SLC13A4: variants seen among roughly 807,000 people sequenced by gnomAD.
The protein encoded by SLC13A4 is Na(+)/sulfate cotransporter SUT-1.
A neutral mutation model predicts 72.7 loss-of-function variants in SLC13A4; 28 were observed. That is an observed-to-expected ratio of 0.39 (90% CI 0.29 to 0.53). The LOEUF is 0.53. Ranked by LOEUF, SLC13A4 falls within the 20% of genes least tolerant of loss-of-function variation. SLC13A4 has a pLI of 0.78. For missense variants in SLC13A4, 653 were observed against 788.0 expected, an observed-to-expected ratio of 0.83 and a Z score of 2.05; for synonymous variants, 312 against 325.5, an observed-to-expected ratio of 0.96 and a Z score of 0.45.
chr7:135,719,669 G>A (rs1796499569), intron 2 of SLC13A4, among the ~76,000 whole-genome samples: 1 of 152,006 alleles, frequency 6.6e-6, no homozygotes, highest in African/African-American at 2.4e-5. Context: ...GCTTTTACAT[G>A]GGTCCCCACG....
chr7:135,691,032 T>C (rs1795772634), intron 13 of SLC13A4, among the ~76,000 whole-genome samples, 169 bp downstream of exon 13: 1 of 151,956 alleles, frequency 6.6e-6, no homozygotes, highest in Non-Finnish European at 1.5e-5. Context: ...GGCATCATGG[T>C]GCACGCCTGT....
intron 13 of SLC13A4, 41 bp from the exon 14 acceptor site, chr7:135,685,724 G>A: frequency 6.5e-7 from 1 of 1,549,084 alleles, no homozygotes; most frequent in Non-Finnish European, 8.9e-7. Context: ...AGGAGAAGAA[G>A]CACATCCCAG....
chr7:135,710,862 TC>T (rs936067639), intron 2 of SLC13A4, among the ~76,000 whole-genome samples: 4 of 152,062 alleles, frequency 2.6e-5, no homozygotes, highest in African/African-American at 9.7e-5. Flanking sequence ...CCAGTGTTTG[TC>T]TCTAAGCCCA....
chr7:135,711,406 G>T (rs1261984612), intron 2 of SLC13A4, among the ~76,000 whole-genome samples: 2 of 152,162 alleles, frequency 1.3e-5, no homozygotes, highest in African/African-American at 4.8e-5. Flanking sequence ...ACTTTCTCTG[G>T]GTTCCACTTG....
At chr7:135,698,938 T>C (rs1010854480) in intron 8 of SLC13A4, among the ~76,000 whole-genome samples, 13 of 152,038 alleles carry the variant, frequency 8.6e-5, no homozygotes, top group African/African-American at 3.1e-4. Context: ...CGGCCTTTTT[T>C]TTGTTTTTGT....
intron 12 of SLC13A4, 46 bp from the exon 13 acceptor site, chr7:135,691,371 G>A (rs755541446): frequency 1.3e-6 from 2 of 1,495,778 alleles, no homozygotes; most frequent in South Asian, 1.1e-5. Context: ...TGATGGACGT[G>A]ATTTGTGGAG....
chr7:135,690,660 A>G (rs1405512935), intron 13 of SLC13A4, among the ~76,000 whole-genome samples: 2 of 152,162 alleles, frequency 1.3e-5, no homozygotes, highest in African/African-American at 4.8e-5. Flanking sequence ...ATGAACTATC[A>G]ATGCCCATGT....
chr7:135,700,194 C>G (rs1297316719), intron 7 of SLC13A4, among the ~76,000 whole-genome samples: 2 of 152,200 alleles, frequency 1.3e-5, no homozygotes, highest in African/African-American at 2.4e-5. Context: ...CTTTTCCTCT[C>G]TACTTTTTTC....
At position 135,684,200 on chromosome 7, in the gene SLC13A4, A is replaced by C. The variant is rs1056612358; in HGVS notation, c.1670T>G (p.Phe557Cys). The C allele has an allele frequency of 1.2e-6, 2 of 1,613,150 alleles. No individual in the cohort carries two copies. The highest frequency in any genetic ancestry group is 1.7e-6 in the Non-Finnish European group (2 of 1,179,516). The change falls in exon 15 of 16, where the codon TTT (phenylalanine) becomes TGT (cysteine). Residue 557 changes from phenylalanine to cysteine, a missense_variant. By Grantham distance (205) the Phe-to-Cys change is radical. Coordinates refer to ENST00000682651, the MANE Select transcript of SLC13A4 (RefSeq NM_001318192.2). ...TLIPVTMCIS[F>C]AVMLPVGNPP... ...ATTGCCCACAGGCAGCATCACTGCA[A>C]AGGAGATGCACATGGTGACTGGGAT... is the stretch of plus-strand genomic sequence containing the variant.
intron 4 of SLC13A4, 198 bp from the exon 5 acceptor site, chr7:135,705,848 T>C (rs1796147908): frequency 5.0e-6 from 3 of 597,456 alleles, no homozygotes; most frequent in Middle Eastern, 8.9e-4. Context: ...CCTTGAGCAT[T>C]TGGGGGCAAA....
intron 2 of SLC13A4, among the ~76,000 whole-genome samples, chr7:135,719,606 G>A (rs1796498751): frequency 2.0e-5 from 3 of 151,850 alleles, no homozygotes; most frequent in African/African-American, 4.8e-5. Context: ...CTTTTTTCAC[G>A]AAAGAAGAGG....
intron 7 of SLC13A4, among the ~76,000 whole-genome samples, chr7:135,700,628 T>A (rs3112341): frequency 0.68 from 103,909 of 152,072 alleles, 35,870 homozygotes; most frequent in East Asian, 0.89. Context: ...ACAGAATAGT[T>A]TAAGTGTAGC....
At chr7:135,704,343 T>G (rs1796114821) in intron 5 of SLC13A4, 1 of 152,544 alleles carries the variant, frequency 6.6e-6, no homozygotes, top group South Asian at 2.1e-4. Context: ...CTGAAGGCAG[T>G]TGCCCCACAG....
chr7:135,711,244 G>A (rs960610579), intron 2 of SLC13A4, among the ~76,000 whole-genome samples: 43 of 152,294 alleles, frequency 2.8e-4, no homozygotes, highest in Non-Finnish European at 4.6e-4. Context: ...ACAGCCCTGC[G>A]AAGCTTTTCA....
At chr7:135,682,218 C>A (rs1795519616) in intron 15 of SLC13A4, among the ~76,000 whole-genome samples, 2 of 152,156 alleles carry the variant, frequency 1.3e-5, no homozygotes, top group Non-Finnish European at 2.9e-5. Flanking sequence ...TCAGCTCTTC[C>A]TCAAGAAGGG....
In SLC13A4 at chr7:135,696,830, C is replaced by T. The variant is rs190922632; in HGVS notation, c.900-1343G>A. 4.9e-4 allele frequency among the ~76,000 whole-genome samples: 75 copies of T among 152,356 alleles called. 1 individual carries two copies. The East Asian group carries it at 0.013, about 26-fold the overall frequency. On this transcript the variant is annotated intron_variant, in intron 8 of 15. Coordinates refer to ENST00000682651, the MANE Select transcript of SLC13A4 (RefSeq NM_001318192.2). ...TCCACATCACCAAATCTAATGGATA[C>T]GTTTTCATCCTTACTTTGCATCATC...
intron 2 of SLC13A4, among the ~76,000 whole-genome samples, chr7:135,710,593 G>A (rs549603281): frequency 2.6e-5 from 4 of 152,230 alleles, no homozygotes; most frequent in Admixed American, 2.6e-4. Context: ...AGGGGGGGAA[G>A]TGGGAGGGAT....
chr7:135,682,055 G>C (rs2129493599), intron 15 of SLC13A4, among the ~76,000 whole-genome samples: 1 of 152,314 alleles, frequency 6.6e-6, no homozygotes, highest in South Asian at 2.1e-4. Flanking sequence ...TGTAAAGCAG[G>C]AACTTCTCAG....
chr7:135,702,996 G>A, intron 5 of SLC13A4, 112 bp from the exon 6 acceptor site: 1 of 757,630 alleles, frequency 1.3e-6, no homozygotes, highest in Non-Finnish European at 2.3e-6. Context: ...CTGGATTCCA[G>A]TTTTCTAGTC....
Sources: allele counts gnomAD v4.1 joint callset (sites outside exome capture counted in the v4.1 genomes callset), GRCh38; gene constraint gnomAD v4.1.1; transcripts MANE v1.5; gene names NCBI Gene and HGNC (gene_info 2026-07-23, HGNC 2026-07-21).